Variants in PPM1J observed in about 807,000 individuals in gnomAD.
PPM1J encodes the protein protein phosphatase 1J.
Under a neutral mutation model 53.3 loss-of-function variants are expected in PPM1J, and 43 were observed. The observed-to-expected ratio is 0.81, with a 90% CI of 0.63 to 1.04. The LOEUF (loss-of-function observed/expected upper bound fraction) is 1.04, where lower values mean the gene tolerates loss of function less well. Among genes scored for constraint, PPM1J ranks in the 50% least tolerant of loss-of-function variants. PPM1J has a pLI of 0.00. For synonymous variants in PPM1J, 267 were observed against 286.4 expected, an observed-to-expected ratio of 0.93 and a Z score of 0.68; for missense variants, 635 against 685.9, an observed-to-expected ratio of 0.93 and a Z score of 0.83.
chr1:112,713,074 G>A lies in PPM1J; in HGVS notation c.442-43C>T, dbSNP rs760307806. On this transcript the variant is annotated intron_variant, in intron 2 of 9. Coordinates refer to ENST00000309276, the MANE Select transcript of PPM1J (RefSeq NM_005167.7). ...GGAGGTGAGTTTTGTTTGTGTGTGT[G>A]TGTGTGTGTGTGTGTGTGTGTGTTA... 5.2e-6 allele frequency: 7 copies of A among 1,357,188 alleles called. No homozygotes were observed. The African/African-American group carries it at 8.8e-5, about 17-fold the overall frequency. The allele number at this position is 1,357,188 out of a possible 1,614,324, so 84.1% of individuals were successfully genotyped here.
intron 1 of PPM1J, chr1:112,714,231 G>A (rs75264801): frequency 1.0e-6 from 1 of 986,732 alleles, no homozygotes; most frequent in South Asian, 4.7e-5. Flanking sequence ...GGAGGTGGTG[G>A]TGGGTCCATG....
At chr1:112,714,952 T>G (rs1420108586) in intron 1 of PPM1J, 24 bp downstream of exon 1, 1 of 1,366,708 alleles carries the variant, frequency 7.3e-7, no homozygotes, top group Admixed American at 3.7e-5. Flanking sequence ...CCATCCTGGT[T>G]TGGGTGCCCC....
intron 8 of PPM1J, 56 bp from the exon 9 acceptor site, chr1:112,710,667 C>T: frequency 6.2e-7 from 1 of 1,613,466 alleles, no homozygotes; most frequent in Non-Finnish European, 8.5e-7. Flanking sequence ...GGACAGGGAG[C>T]TTGGAGATAA....
chr1:112,715,130 C>T lies in PPM1J; in HGVS notation c.172G>A (p.Ala58Thr). The stretch of plus-strand genomic sequence containing the variant: ...CTCGCTCGAGCCTCAACAGCCTTCG[C>T]GGGCGTCGCGCTCCCGCTCCCAGCC... ...AKAGSGSATP[A>T]KAVEARASFS... Residue 58 changes from alanine (A) to threonine (T), a missense_variant, in exon 1 of 10, where the codon GCG (alanine) becomes ACG (threonine). Ala to Thr is a moderately conservative substitution (Grantham distance 58). Coordinates refer to ENST00000309276, the MANE Select transcript of PPM1J (RefSeq NM_005167.7). The surrounding 1 kb of genome is among the most constrained non-coding windows in gnomAD (Gnocchi z 4.4). The T allele has an allele frequency of 6.4e-7, 1 of 1,551,426 alleles. No individual in the cohort carries two copies. Among genetic ancestry groups the T allele is most frequent in the Non-Finnish European group, 8.6e-7 (1 of 1,159,386 alleles).
intron 5 of PPM1J, 123 bp downstream of exon 5, chr1:112,711,848 G>A (rs2101480678): frequency 4.5e-6 from 3 of 671,336 alleles, no homozygotes; most frequent in Non-Finnish European, 7.6e-6. Flanking sequence ...TCCACACAGC[G>A]GCCTTCCCAG....
At chr1:112,713,074 G>GTA in intron 2 of PPM1J, 43 bp from the exon 3 acceptor site, 1 of 1,357,208 alleles carries the variant, frequency 7.4e-7, no homozygotes, top group Non-Finnish European at 1.0e-6. Flanking sequence ...TTGTGTGTGT[G>GTA]TGTGTGTGTG....
At chr1:112,710,416 T>C in intron 9 of PPM1J, 44 bp downstream of exon 9, 2 of 1,611,798 alleles carry the variant, frequency 1.2e-6, no homozygotes, top group Non-Finnish European at 1.7e-6. Context: ...TGACCCTTCT[T>C]TCACCAATGC....
At chr1:112,713,650 A>G in intron 1 of PPM1J, 39 bp from the exon 2 acceptor site, 1 of 1,512,824 alleles carries the variant, frequency 6.6e-7, no homozygotes, top group South Asian at 1.1e-5. Flanking sequence ...TGGACACCAG[A>G]CCAGGTCCTG....
Position 112,712,022 on chromosome 1 carries a change from T to C in PPM1J, c.876A>G (p.Pro292=). ...AIIVRNGEII[P]MSREFTPETE... ...TCTCCGGGGTAAACTCCCGGGACAT[T>C]GGAATGATTTCACCATTCCGGACAA... Residue 292 remains proline, a synonymous_variant, in exon 5 of 10, where the codon CCA becomes CCG. Transcript: ENST00000309276. 6.2e-7 allele frequency: 1 copy of C among 1,610,868 alleles called. No individual in the cohort carries two copies. Among genetic ancestry groups the C allele is most frequent in the Non-Finnish European group, 8.5e-7 (1 of 1,177,830 alleles).
chr1:112,715,030 A>G lies in PPM1J; in HGVS notation c.272T>C (p.Val91Ala). Residue 91 changes from valine (V) to alanine (A), a missense_variant, in exon 1 of 10, where the codon GTG becomes GCG. Coordinates refer to ENST00000309276, the MANE Select transcript of PPM1J (RefSeq NM_005167.7). The surrounding 1 kb of genome is among the most constrained non-coding windows in gnomAD (Gnocchi z 4.4). The stretch of plus-strand genomic sequence containing the variant: ...GCGGCCCGTGTCCGGGGGGCTTTGC[A>G]CAGCCCGGCCCGCGTGGTCATCGGC... ...RRADDHAGRA[V>A]QSPPDTGRRL... 3 of 1,515,604 alleles carry G rather than the reference A, an allele frequency of 2.0e-6. No homozygotes were observed. Among genetic ancestry groups the G allele is most frequent in the Non-Finnish European group, 2.6e-6 (3 of 1,140,244 alleles). 93.9% of individuals were successfully genotyped at this position (1,515,604 alleles called of 1,614,324 possible).
At position 112,711,275 on chromosome 1, in the gene PPM1J, A is replaced by T; in HGVS notation, c.1037T>A (p.Met346Lys). The change falls in exon 6 of 10, where the codon ATG (methionine) becomes AAG (lysine). Residue 346 changes from methionine to lysine, a missense_variant. Physicochemically the swap from Met to Lys is moderately conservative, Grantham distance 95. Coordinates refer to ENST00000309276, the MANE Select transcript of PPM1J (RefSeq NM_005167.7). Reference sequence around the variant, plus strand: ...CTGAGGGAAGTGTTACCAGCCGGTCATGTTCTGGTCCCGGTACAACATCCT... The same window carrying T: ...CTGAGGGAAGTGTTACCAGCCGGTCTTGTTCTGGTCCCGGTACAACATCCT... ...GQRMLYRDQN[M>K]TGWAYKKIEL... 2 of 1,609,060 alleles carry T rather than the reference A, an allele frequency of 1.2e-6. No individual in the cohort carries two copies. Among genetic ancestry groups the T allele is most frequent in the Non-Finnish European group, 1.7e-6 (2 of 1,176,968 alleles).
At chr1:112,711,418 G>A in intron 5 of PPM1J, 34 bp from the exon 6 acceptor site, 1 of 1,350,640 alleles carries the variant, frequency 7.4e-7, no homozygotes, top group Non-Finnish European at 1.0e-6. Context: ...AGAGAGCCAG[G>A]GGGCATTATG....
At position 112,715,121 on chromosome 1, in the gene PPM1J, C is replaced by G. The variant is rs1675168999; in HGVS notation, c.181G>C (p.Val61Leu). 2.6e-6 allele frequency: 4 copies of G among 1,556,334 alleles called. No homozygotes were observed. The highest frequency in any genetic ancestry group is 3.4e-6 in the Non-Finnish European group (4 of 1,161,500). ...CTGGAGAAGCTCGCTCGAGCCTCAACAGCCTTCGCGGGCGTCGCGCTCCCG... is the reference window on the plus strand; with the variant it reads ...CTGGAGAAGCTCGCTCGAGCCTCAAGAGCCTTCGCGGGCGTCGCGCTCCCG... ...GSGSATPAKAVEARASFSRPT... is the reference protein window; with the variant it reads ...GSGSATPAKALEARASFSRPT... The change falls in exon 1 of 10, where the codon GTT becomes CTT. Residue 61 changes from valine (V) to leucine (L), a missense_variant. Coordinates refer to ENST00000309276, the MANE Select transcript of PPM1J (RefSeq NM_005167.7). This position sits in a 1 kb window ranked among gnomAD's most constrained non-coding sequence, Gnocchi z 4.4.
At position 112,712,817 on chromosome 1, in the gene PPM1J, C is replaced by T; in HGVS notation, c.656G>A (p.Cys219Tyr). 6.2e-7 allele frequency: 1 copy of T among 1,613,442 alleles called. No homozygotes were observed. The highest frequency in any genetic ancestry group is 8.5e-7 in the Non-Finnish European group (1 of 1,179,990). ...DPSHLLGPQS[C>Y]WSSQKEVSHE... ...GCTCACTTCCTTCTGTGAAGACCAG[C>T]AGGACTGAGGGCCAAGCAAGTGAGA... The change falls in exon 3 of 10, where the codon TGC (cysteine) becomes TAC (tyrosine). Residue 219 changes from cysteine to tyrosine, a missense_variant. Physicochemically the swap from Cys to Tyr is radical, Grantham distance 194 (BLOSUM62 -2). Coordinates refer to ENST00000309276, the MANE Select transcript of PPM1J (RefSeq NM_005167.7).
At position 112,713,118 on chromosome 1, in the gene PPM1J, ACT is replaced by A. The variant is rs1374964990; in HGVS notation, c.442-89_442-88del. ...TGTGTTATGCAAGGTGAATAACAAG[ACT>A]CTGGGCATCCATACAAACATCTGAG... On this transcript the variant is annotated intron_variant, in intron 2 of 9. Transcript: ENST00000309276. 4.1e-6 allele frequency: 5 copies of A among 1,218,704 alleles called. No individual in the cohort carries two copies. The Admixed American group carries it at 7.4e-5, about 18-fold the overall frequency. 75.5% of individuals were successfully genotyped at this position (1,218,704 alleles called of 1,614,324 possible).
In PPM1J at chr1:112,715,155, C is replaced by T. The variant is rs745699216; in HGVS notation, c.147G>A (p.Lys49=). Residue 49 remains lysine (K), a synonymous_variant, in exon 1 of 10, where the codon AAG becomes AAA. Coordinates refer to ENST00000309276, the MANE Select transcript of PPM1J (RefSeq NM_005167.7). The surrounding 1 kb of genome is among the most constrained non-coding windows in gnomAD (Gnocchi z 4.4). ...APEAPRSPPA[K]AGSGSATPAK... Reference sequence around the variant, plus strand: ...CGGGCGTCGCGCTCCCGCTCCCAGCCTTCGCGGGAGGGCTCCTGGGCGCTT... The same window carrying T: ...CGGGCGTCGCGCTCCCGCTCCCAGCTTTCGCGGGAGGGCTCCTGGGCGCTT... The T allele has an allele frequency of 1.9e-6, 3 of 1,541,568 alleles. No homozygotes were observed. Among genetic ancestry groups the T allele is most frequent in the Non-Finnish European group, 1.7e-6 (2 of 1,155,308 alleles).
intron 2 of PPM1J, 31 bp from the exon 3 acceptor site, chr1:112,713,062 G>GTT (rs758094498): frequency 4.0e-6 from 6 of 1,482,826 alleles, no homozygotes; most frequent in Middle Eastern, 2.4e-4. Flanking sequence ...GGTGAGTTTT[G>GTT]TTTGTGTGTG....
At chr1:112,714,363 G>A in intron 1 of PPM1J, 1 of 985,572 alleles carries the variant, frequency 1.0e-6, no homozygotes. Flanking sequence ...CGGGCAGGGG[G>A]TCCGCTTCTT....
chr1:112,713,337 G>A (rs1249285956), intron 2 of PPM1J, among the ~76,000 whole-genome samples, 160 bp downstream of exon 2: 1 of 152,134 alleles, frequency 6.6e-6, no homozygotes, highest in Admixed American at 6.6e-5. Context: ...ATGCTTACAT[G>A]GTAGAATCTA....
Sources: allele counts gnomAD v4.1 joint callset (sites outside exome capture counted in the v4.1 genomes callset), GRCh38; gene constraint gnomAD v4.1.1; non-coding constraint Gnocchi (gnomAD v3.1); transcripts MANE v1.5; gene names NCBI Gene and HGNC (gene_info 2026-07-23, HGNC 2026-07-21).